The following ATP6V0A4 variants were observed in gnomAD, a reference collection of about 807,000 sequenced individuals.
ATP6V0A4 encodes the protein V-type proton ATPase 116 kDa subunit a 4.
Under a neutral mutation model 107.3 loss-of-function variants are expected in ATP6V0A4, and 86 were observed. That is an observed-to-expected ratio of 0.80 (90% CI 0.67 to 0.96). The LOEUF (loss-of-function observed/expected upper bound fraction) is 0.96. ATP6V0A4 is among the 40% of genes least tolerant of loss of function. The pLI, the probability that ATP6V0A4 is intolerant of heterozygous loss-of-function variation, is 0.00. For synonymous variants in ATP6V0A4, 353 were observed against 381.4 expected, an observed-to-expected ratio of 0.93 and a Z score of 0.87; for missense variants, 908 against 1,045.6, an observed-to-expected ratio of 0.87 and a Z score of 1.81.
At chr7:138,725,967 CAT>C (rs1183085946) in intron 18 of ATP6V0A4, among the ~76,000 whole-genome samples, 1 of 150,774 alleles carries the variant, frequency 6.6e-6, no homozygotes, top group African/African-American at 2.4e-5. Context: ...AAAAAACGCA[CAT>C]GTTGAAATGA....
At chr7:138,713,133 A>G (rs1447903885) in intron 20 of ATP6V0A4, among the ~76,000 whole-genome samples, 1 of 148,244 alleles carries the variant, frequency 6.7e-6, no homozygotes, top group Non-Finnish European at 1.5e-5. Flanking sequence ...TACTGAAAAT[A>G]CAAAAATTAA....
intron 2 of ATP6V0A4, among the ~76,000 whole-genome samples, chr7:138,771,745 A>G (rs563297026): frequency 6.6e-6 from 1 of 152,056 alleles, no homozygotes; most frequent in African/African-American, 2.4e-5. Flanking sequence ...TCAGCCTCCT[A>G]TGTAGCTGGG....
At chr7:138,749,099 C>T in intron 12 of ATP6V0A4, 68 bp downstream of exon 12, 4 of 1,594,042 alleles carry the variant, frequency 2.5e-6, no homozygotes, top group Admixed American at 3.3e-5. Flanking sequence ...ACCTCGGTCA[C>T]CTCAGGGGTC....
intron 13 of ATP6V0A4, among the ~76,000 whole-genome samples, chr7:138,746,680 T>C (rs1805967745): frequency 6.6e-6 from 1 of 152,060 alleles, no homozygotes. Context: ...ATTTTTGTAT[T>C]TTTAGTAGAG....
intron 17 of ATP6V0A4, among the ~76,000 whole-genome samples, chr7:138,731,675 C>G (rs1805022410): frequency 6.6e-6 from 1 of 151,922 alleles, no homozygotes; most frequent in Admixed American, 6.6e-5. Context: ...GATGGATTAC[C>G]TGTGGTTAGG....
chr7:138,779,069 G>A (rs369676675), intron 2 of ATP6V0A4, among the ~76,000 whole-genome samples: 8 of 152,176 alleles, frequency 5.3e-5, no homozygotes, highest in African/African-American at 1.2e-4. Flanking sequence ...GGCCAGGAGC[G>A]ATGGCTTGAG....
At chr7:138,766,581 C>A (rs944304346) in intron 5 of ATP6V0A4, among the ~76,000 whole-genome samples, 4 of 151,910 alleles carry the variant, frequency 2.6e-5, no homozygotes, top group Admixed American at 6.6e-5. Flanking sequence ...AACGATATAG[C>A]CCAAAACAAT....
intron 15 of ATP6V0A4, among the ~76,000 whole-genome samples, chr7:138,737,182 A>G (rs1386931890): frequency 7.1e-6 from 1 of 141,156 alleles, no homozygotes; most frequent in Non-Finnish European, 1.5e-5. Context: ...GTCCCACCCA[A>G]ATTTCATCTT....
At chr7:138,746,567 A>G (rs1440200863) in intron 13 of ATP6V0A4, among the ~76,000 whole-genome samples, 1 of 151,696 alleles carries the variant, frequency 6.6e-6, no homozygotes, top group Non-Finnish European at 1.5e-5. Flanking sequence ...AAAGTGGCGC[A>G]ATCTCAGCTC....
intron 20 of ATP6V0A4, among the ~76,000 whole-genome samples, chr7:138,713,633 A>G (rs1262768654): frequency 6.6e-6 from 1 of 152,194 alleles, no homozygotes; most frequent in Admixed American, 6.6e-5. Context: ...CATGCCCCAG[A>G]ACCACAGGAA....
At chr7:138,725,010 C>A (rs1804635743) in intron 18 of ATP6V0A4, among the ~76,000 whole-genome samples, 2 of 152,224 alleles carry the variant, frequency 1.3e-5, no homozygotes, top group Admixed American at 1.3e-4. Context: ...GTGGCTCACA[C>A]TTACAATCCC....
chr7:138,715,770 G>C lies in ATP6V0A4; in HGVS notation c.2251C>G (p.His751Asp). The C allele has an allele frequency of 6.2e-7, 1 of 1,613,736 alleles. No individual in the cohort carries two copies. The highest frequency in any genetic ancestry group is 8.5e-7 in the Non-Finnish European group (1 of 1,179,704). The change falls in exon 20 of 22, where the codon CAT (histidine) becomes GAT (aspartate). Residue 751 changes from histidine (H) to aspartate (D), a missense_variant. Coordinates refer to ENST00000310018, the MANE Select transcript of ATP6V0A4 (RefSeq NM_020632.3). The part of the protein sequence containing the change: ...YLRLWALSLA[H>D]AQLSEVLWTM... Reference sequence around the variant, plus strand: ...CGATGGGCTGCTCACTCACGTGCATGAGCCAGGCTGAGGGCCCAGAGCCGC... The same window carrying C: ...CGATGGGCTGCTCACTCACGTGCATCAGCCAGGCTGAGGGCCCAGAGCCGC...
intron 2 of ATP6V0A4, among the ~76,000 whole-genome samples, chr7:138,772,765 A>G (rs1056888157): frequency 3.9e-5 from 6 of 152,268 alleles, no homozygotes; most frequent in Admixed American, 6.5e-5. Flanking sequence ...AGCAGCGATC[A>G]ATGCATTCCA....
In ATP6V0A4 at chr7:138,729,495, T is replaced by TCC. The variant is rs562568842; in HGVS notation, c.1909-635_1909-634dup. Among the ~76,000 whole-genome samples the TCC allele has an allele frequency of 5.5e-4, 83 of 152,266 alleles. 4 individuals carry two copies. The South Asian group carries it at 0.017, about 30-fold the overall frequency. On this transcript the variant is annotated intron_variant, in intron 17 of 21. Coordinates refer to ENST00000310018, the MANE Select transcript of ATP6V0A4 (RefSeq NM_020632.3). ...AACTCACTCTCGGTCTCTCTCGCCTTCCCTTTGGAGTGAGGCAGCTGCGGT... is the reference window on the plus strand; with the variant it reads ...AACTCACTCTCGGTCTCTCTCGCCTTCCCCCTTTGGAGTGAGGCAGCTGCGGT...
chr7:138,768,935 T>C (rs2117332073), intron 4 of ATP6V0A4, 61 bp from the exon 5 acceptor site: 1 of 1,605,518 alleles, frequency 6.2e-7, no homozygotes, highest in Admixed American at 1.7e-5. Flanking sequence ...AACTAAGAAA[T>C]GAGGTCAAGC....
intron 11 of ATP6V0A4, among the ~76,000 whole-genome samples, chr7:138,752,123 A>C (rs6964361): frequency 0.18 from 26,879 of 152,148 alleles, 2,516 homozygotes; most frequent in Middle Eastern, 0.23. Context: ...TAATGTCAGC[A>C]CTTTGGGAGG....
chr7:138,740,011 C>T (rs1805539798), intron 14 of ATP6V0A4, among the ~76,000 whole-genome samples: 1 of 150,472 alleles, frequency 6.6e-6, no homozygotes, highest in African/African-American at 2.4e-5. Flanking sequence ...GGAGGACTGC[C>T]TTGAGCCTGG....
intron 1 of ATP6V0A4, among the ~76,000 whole-genome samples, chr7:138,794,091 C>T (rs1808546235): frequency 6.6e-6 from 1 of 152,156 alleles, no homozygotes; most frequent in African/African-American, 2.4e-5. Context: ...AGGTTAACTC[C>T]TCCACAAACT....
Position 138,718,678 on chromosome 7 carries a change from G to GAGGGAGACGTCCAGGAAGGAATT in ATP6V0A4, c.2140-2798_2140-2797insAATTCCTTCCTGGACGTCTCCCT, listed in dbSNP as rs1223957810. ...GACGTCCAGGAAGGAATTCGGGGCGGGGGGGGGGGGTGCAGTCACGGATGT... is the reference window on the plus strand; with the variant it reads ...GACGTCCAGGAAGGAATTCGGGGCGGAGGGAGACGTCCAGGAAGGAATTGGGGGGGGGGTGCAGTCACGGATGT... On this transcript the variant is annotated intron_variant, in intron 19 of 21. Coordinates refer to ENST00000310018, the MANE Select transcript of ATP6V0A4 (RefSeq NM_020632.3). 7.3e-4 allele frequency among the ~76,000 whole-genome samples: 9 copies of GAGGGAGACGTCCAGGAAGGAATT among 12,408 alleles called. 2 individuals are homozygous for GAGGGAGACGTCCAGGAAGGAATT. In the East Asian group the frequency reaches 0.051, roughly 71 times the overall value. 8.1% of individuals were successfully genotyped at this position (12,408 alleles called of 152,430 possible). A position where few individuals can be genotyped will look rare whatever the true frequency, so the allele number is the denominator to read the frequency against.
Sources: allele counts gnomAD v4.1 joint callset (sites outside exome capture counted in the v4.1 genomes callset), GRCh38; gene constraint gnomAD v4.1.1; transcripts MANE v1.5; gene names NCBI Gene and HGNC (gene_info 2026-07-23, HGNC 2026-07-21).